Variants in MOB2 observed in about 807,000 individuals in gnomAD.
MOB2 encodes MOB2 Mps One Binder homolog.
MOB2 carries 14 observed loss-of-function variants against 27.4 expected under a neutral mutation model. The observed-to-expected ratio is 0.51, with a 90% CI of 0.34 to 0.80. The LOEUF is 0.80. MOB2 is among the 30% of genes least tolerant of loss of function. MOB2 has a pLI of 0.01. For synonymous variants in MOB2, 167 were observed against 151.8 expected (o/e 1.10, Z -0.74); for missense variants, 304 against 354.6 (o/e 0.86, Z 1.15).
intron 1 of MOB2, among the ~76,000 whole-genome samples, chr11:1,484,020 C>T (rs1469628632): frequency 2.0e-5 from 3 of 152,162 alleles, no homozygotes; most frequent in Non-Finnish European, 4.4e-5. Flanking sequence ...CCCTGAGGGA[C>T]GAGGACAGCA....
intron 1 of MOB2, chr11:1,481,550 T>C (rs902807671): frequency 1.3e-5 from 2 of 152,816 alleles, no homozygotes; most frequent in Admixed American, 6.5e-5. Context: ...AAGTTGCTAA[T>C]GGTTTATTTA....
intron 3 of MOB2, chr11:1,473,139 G>C (rs1397918916): frequency 6.6e-6 from 1 of 152,380 alleles, no homozygotes; most frequent in African/African-American, 2.4e-5. Flanking sequence ...TGTGCCCTGT[G>C]CGGGGCTGAC....
In MOB2 at chr11:1,480,903, GC is replaced by G; in HGVS notation, c.111-19del. The G allele has an allele frequency of 6.4e-7, 1 of 1,551,050 alleles. No homozygotes were observed. The highest frequency in any genetic ancestry group is 8.7e-7 in the Non-Finnish European group (1 of 1,147,340). On this transcript the variant is annotated intron_variant, in intron 1 of 4. Transcript: ENST00000329957. ...TGGACTTCCTGCCAAGAGAGGAGAC[GC>G]GGTGTGGTCACTACACGCCCATCAG...
Position 1,470,245 on chromosome 11 carries a change from A to ACCCCGCCGG in MOB2, c.725_733dup (p.Ala242_Gly244dup). On this transcript the variant is annotated inframe_insertion, in exon 5 of 5. Coordinates refer to ENST00000329957, the MANE Select transcript of MOB2 (RefSeq NM_001172223.3). ...CCCATCCCCACTGCCCCCACTGTGG[A>ACCCCGCCGG]CCCCGCCGGCCCCGCTGCATAGCAC... The ACCCCGCCGG allele has an allele frequency of 6.2e-7, 1 of 1,612,348 alleles. No individual in the cohort carries two copies. The highest frequency in any genetic ancestry group is 1.1e-5 in the South Asian group (1 of 91,046).
chr11:1,483,131 G>C (rs540803370), intron 1 of MOB2, among the ~76,000 whole-genome samples: 25 of 152,346 alleles, frequency 1.6e-4, no homozygotes, highest in African/African-American at 6.0e-4. Flanking sequence ...AACAGGCTCT[G>C]TGCCGTCCAG....
At chr11:1,481,746 G>A (rs1158467157) in intron 1 of MOB2, among the ~76,000 whole-genome samples, 45 of 94,572 alleles carry the variant, frequency 4.8e-4, no homozygotes, top group African/African-American at 1.5e-3. Flanking sequence ...GGGCAGGGAG[G>A]GGCAGGGGCA....
chr11:1,470,499 C>A lies in MOB2; in HGVS notation c.491-11G>T. The A allele has an allele frequency of 6.2e-7, 1 of 1,607,444 alleles. No homozygotes were observed. Among genetic ancestry groups the A allele is most frequent in the Non-Finnish European group, 8.5e-7 (1 of 1,176,156 alleles). On this transcript the variant is annotated splice_polypyrimidine_tract_variant and intron_variant, in intron 4 of 4. Transcript: ENST00000329957. ...TGGGGAATTCTCTGCCTGGGGAAGG[C>A]CACCGTGTCACAAGCTGCAGACATC...
At chr11:1,475,926 G>A (rs1590763518) in intron 3 of MOB2, among the ~76,000 whole-genome samples, 1 of 152,346 alleles carries the variant, frequency 6.6e-6, no homozygotes, top group Non-Finnish European at 1.5e-5. Flanking sequence ...TCAAGGAAGT[G>A]CTTTCTGTCT....
intron 3 of MOB2, among the ~76,000 whole-genome samples, chr11:1,473,737 C>T (rs955280500): frequency 6.6e-6 from 1 of 152,342 alleles, no homozygotes; most frequent in Admixed American, 6.5e-5. Context: ...ATCAGTAAAC[C>T]GTTTCTGGTA....
chr11:1,480,849 A>G lies in MOB2; in HGVS notation c.147T>C (p.Ala49=). 1 of 1,568,100 alleles carries G rather than the reference A, an allele frequency of 6.4e-7. No individual in the cohort carries two copies. The highest frequency in any genetic ancestry group is 8.6e-7 in the Non-Finnish European group (1 of 1,156,936). The change falls in exon 2 of 5, where the codon GCT becomes GCC. Residue 49 remains alanine (A), a synonymous_variant. Coordinates refer to ENST00000329957, the MANE Select transcript of MOB2 (RefSeq NM_001172223.3). ...SKAKPNGKKP[A]AEERKAYLEP... ...CCAGGTAGGCCTTCCTCTCCTCCGC[A>G]GCGGGCTTCTTGCCATTAGGCTTGG...
In MOB2 at chr11:1,469,528, G is replaced by C. The variant is rs1442156769; in HGVS notation, c.*644C>G. 7 of 455,858 alleles carry C rather than the reference G, an allele frequency of 1.5e-5. No homozygotes were observed. Among genetic ancestry groups the C allele is most frequent in the African/African-American group, 1.2e-4 (6 of 50,064 alleles). 28.2% of individuals were successfully genotyped at this position (455,858 alleles called of 1,614,324 possible). A position where few individuals can be genotyped will look rare whatever the true frequency, so the allele number is the denominator to read the frequency against. Reference sequence around the variant, plus strand: ...GTAAGCGGGTCTCAGCCTTCCGCTGGTGCAGCATCTCCACGCAGGGCCTCA... The same window carrying C: ...GTAAGCGGGTCTCAGCCTTCCGCTGCTGCAGCATCTCCACGCAGGGCCTCA... On this transcript the variant is annotated 3_prime_UTR_variant, in exon 5 of 5. Coordinates refer to ENST00000329957, the MANE Select transcript of MOB2 (RefSeq NM_001172223.3).
intron 1 of MOB2, among the ~76,000 whole-genome samples, chr11:1,484,176 G>A (rs1028038480): frequency 5.3e-5 from 8 of 152,202 alleles, no homozygotes; most frequent in African/African-American, 1.4e-4. Flanking sequence ...TATGGAAGTC[G>A]AGCCTGTAGA....
chr11:1,477,462 T>C (rs923172013), intron 3 of MOB2, among the ~76,000 whole-genome samples: 3 of 152,102 alleles, frequency 2.0e-5, no homozygotes, highest in Admixed American at 2.0e-4. Flanking sequence ...CACATTCCTA[T>C]GTTGAAAGCT....
Position 1,486,724 on chromosome 11 carries a change from T to G in MOB2, c.-168A>C. The G allele has an allele frequency of 1.7e-6, 1 of 592,020 alleles. No homozygotes were observed. The allele number at this position is 592,020 out of a possible 1,614,324, so 36.7% of individuals were successfully genotyped here. A position where few individuals can be genotyped will look rare whatever the true frequency, so the allele number is the denominator to read the frequency against. On this transcript the variant is annotated 5_prime_UTR_variant, in exon 1 of 5. Coordinates refer to ENST00000329957, the MANE Select transcript of MOB2 (RefSeq NM_001172223.3). ...AGAGGCAAGGGCTGGCCAAGGCTGG[T>G]GAAACGAGGGAGCGTCTGAATTGGC...
At chr11:1,476,216 C>T (rs367796880) in intron 3 of MOB2, among the ~76,000 whole-genome samples, 3 of 152,360 alleles carry the variant, frequency 2.0e-5, no homozygotes, top group East Asian at 1.9e-4. Flanking sequence ...CTGTGGGTAA[C>T]GGAAACTGTA....
Position 1,486,461 on chromosome 11 carries a change from G to T in MOB2, c.96C>A (p.Val32=). 6.5e-7 allele frequency: 1 copy of T among 1,535,822 alleles called. No homozygotes were observed. The highest frequency in any genetic ancestry group is 8.7e-7 in the Non-Finnish European group (1 of 1,146,766). Residue 32 remains valine (V), a synonymous_variant, in exon 1 of 5, where the codon GTC becomes GTA. Transcript: ENST00000329957. The part of the protein sequence containing the change: ...GLCCKMVLQA[V]SKVLRKSKAK... ...GCAGGTGTTACCTGAGCACTTTGCT[G>T]ACAGCCTGAAGCACCATTTTGCAGC...
intron 1 of MOB2, 103 bp from the exon 2 acceptor site, chr11:1,480,988 G>A (rs911192892): frequency 2.8e-6 from 4 of 1,403,684 alleles, no homozygotes; most frequent in African/African-American, 1.4e-5. Context: ...GGAGCTGCCC[G>A]AGCCCATCGG....
intron 1 of MOB2, among the ~76,000 whole-genome samples, chr11:1,483,894 T>C (rs1294843993): frequency 6.6e-6 from 1 of 152,104 alleles, no homozygotes; most frequent in African/African-American, 2.4e-5. Context: ...CGTGGAAAAC[T>C]TAGACAACCA....
chr11:1,486,194 C>T (rs576800230), intron 1 of MOB2, among the ~76,000 whole-genome samples: 147 of 152,386 alleles, frequency 9.6e-4, no homozygotes, highest in Middle Eastern at 3.4e-3. Flanking sequence ...GAAGTGCAGG[C>T]GGCTAAGGAA....
Sources: allele counts gnomAD v4.1 joint callset (sites outside exome capture counted in the v4.1 genomes callset), GRCh38; gene constraint gnomAD v4.1.1; transcripts MANE v1.5; gene names NCBI Gene and HGNC (gene_info 2026-07-23, HGNC 2026-07-21).